Variants in FBRSL1 observed in about 807,000 individuals in gnomAD.
FBRSL1 encodes fibrosin like 1.
Under a neutral mutation model 89.6 loss-of-function variants are expected in FBRSL1, and 51 were observed. The observed-to-expected ratio is 0.57, with a 90% CI of 0.45 to 0.72. FBRSL1 has a LOEUF of 0.72. Among genes scored for constraint, FBRSL1 ranks in the 30% least tolerant of loss-of-function variants. The pLI, the probability that FBRSL1 is intolerant of heterozygous loss-of-function variation, is 0.00. For synonymous variants in FBRSL1, 779 were observed against 681.1 expected (o/e 1.14, Z -2.24); for missense variants, 1,618 against 1,451.8 (o/e 1.11, Z -1.86).
intron 9 of FBRSL1, chr12:132,571,714 C>T: frequency 2.6e-6 from 1 of 385,074 alleles, no homozygotes; most frequent in Non-Finnish European, 4.5e-6. Flanking sequence ...TGCCATGAGG[C>T]CCCCACCCTC....
At chr12:132,506,457 C>T (rs986142383) in intron 1 of FBRSL1, among the ~76,000 whole-genome samples, 1 of 152,212 alleles carries the variant, frequency 6.6e-6, no homozygotes, top group African/African-American at 2.4e-5. Flanking sequence ...CTGCCCTCTG[C>T]CTGTCCCCTC....
rs542931499 is a variant in FBRSL1, at chr12:132,511,639, T to C, written c.489+3289T>C. The C allele has an allele frequency of 9.9e-4, 980 of 985,550 alleles. 4 individuals are homozygous for C. The African/African-American group carries it at 0.016, about 16-fold the overall frequency. The allele number at this position is 985,550 out of a possible 1,614,324, so 61.1% of individuals were successfully genotyped here. A position where few individuals can be genotyped will look rare whatever the true frequency, so the allele number is the denominator to read the frequency against. ...TGCGCCACGTGACAGGAGGCTCTGG[T>C]CCTGCAGGCCTGGTCTTGCCCAGCT... is the stretch of plus-strand genomic sequence containing the variant. On this transcript the variant is annotated intron_variant, in intron 2 of 18. Coordinates refer to ENST00000680143, the MANE Select transcript of FBRSL1 (RefSeq NM_001367871.1).
At chr12:132,557,567 C>G (rs2038780561) in intron 5 of FBRSL1, among the ~76,000 whole-genome samples, 1 of 152,196 alleles carries the variant, frequency 6.6e-6, no homozygotes, top group African/African-American at 2.4e-5. Context: ...ATGGTCAGTG[C>G]TGAAGGCGGC....
At position 132,539,627 on chromosome 12, in the gene FBRSL1, C is replaced by T. The variant is rs1421265545; in HGVS notation, c.616-8376C>T. 4.9e-5 allele frequency among the ~76,000 whole-genome samples: 6 copies of T among 122,594 alleles called. No individual in the cohort carries two copies. In the Admixed American group the frequency reaches 4.9e-4, roughly 10 times the overall value. 80.4% of individuals were successfully genotyped at this position (122,594 alleles called of 152,430 possible). On this transcript the variant is annotated intron_variant, in intron 4 of 18. Transcript: ENST00000680143. ...CCCTCCAGCCCCGTGCCCGCCCAGT[C>T]CTGCCCTCCAGCCCCATGCCTACCT...
At chr12:132,517,287 C>T (rs1049778470) in intron 2 of FBRSL1, among the ~76,000 whole-genome samples, 5 of 152,232 alleles carry the variant, frequency 3.3e-5, no homozygotes, top group African/African-American at 1.2e-4. Context: ...CCACGCCGGC[C>T]AGGGTGCTGT....
intron 2 of FBRSL1, among the ~76,000 whole-genome samples, chr12:132,517,969 TGTG>T (rs2034995835): frequency 6.6e-6 from 1 of 152,026 alleles, no homozygotes; most frequent in Admixed American, 6.6e-5. Context: ...AGGCGGCAAA[TGTG>T]GTGGAGCCAG....
chr12:132,498,338 C>T (rs2032397881), intron 1 of FBRSL1, among the ~76,000 whole-genome samples: 2 of 152,162 alleles, frequency 1.3e-5, no homozygotes, highest in South Asian at 4.1e-4. Flanking sequence ...CCCCAGCCAC[C>T]CTTGCAGAGG....
chr12:132,515,961 T>A (rs577907300), intron 2 of FBRSL1, among the ~76,000 whole-genome samples: 110 of 144,932 alleles, frequency 7.6e-4, no homozygotes, highest in African/African-American at 2.7e-3. Context: ...AAATGAACAA[T>A]GCCAAAAGGT....
chr12:132,580,751 G>A (rs1191113861), intron 15 of FBRSL1: 3 of 985,026 alleles, frequency 3.0e-6, no homozygotes, highest in African/African-American at 3.5e-5. Context: ...GGGCTGGGAG[G>A]GAGTCGGAGT....
chr12:132,504,577 C>T (rs772479878), intron 1 of FBRSL1, among the ~76,000 whole-genome samples: 1 of 152,044 alleles, frequency 6.6e-6, no homozygotes, highest in Non-Finnish European at 1.5e-5. Context: ...TGTGGTGCCA[C>T]GGGTGCTGAC....
intron 2 of FBRSL1, chr12:132,511,820 C>T: frequency 2.0e-6 from 2 of 985,050 alleles, no homozygotes; most frequent in Non-Finnish European, 2.4e-6. Context: ...GCTTTGGCCT[C>T]CGGGCCCCCT....
intron 1 of FBRSL1, among the ~76,000 whole-genome samples, chr12:132,492,830 G>A (rs542791037): frequency 2.0e-5 from 3 of 152,334 alleles, no homozygotes; most frequent in East Asian, 3.9e-4. Flanking sequence ...GGGAAAGTAC[G>A]GGGCTTCTGC....
chr12:132,551,221 G>A (rs1226924620), intron 5 of FBRSL1: 2 of 363,102 alleles, frequency 5.5e-6, no homozygotes, highest in African/African-American at 2.1e-5. Flanking sequence ...GGCTTGTGTG[G>A]AACCCGTCTG....
At chr12:132,523,988 G>A (rs1392993334) in intron 2 of FBRSL1, among the ~76,000 whole-genome samples, 1 of 152,220 alleles carries the variant, frequency 6.6e-6, no homozygotes, top group Non-Finnish European at 1.5e-5. Context: ...GGTTGTGAGA[G>A]TCCAGCTGGT....
intron 4 of FBRSL1, among the ~76,000 whole-genome samples, chr12:132,531,419 G>C (rs2036268692): frequency 6.6e-6 from 1 of 152,118 alleles, no homozygotes; most frequent in Admixed American, 6.6e-5. Flanking sequence ...GTGTGCATGT[G>C]CGTGTGGGCA....
At position 132,574,416 on chromosome 12, in the gene FBRSL1, C is replaced by T. The variant is rs1288956725; in HGVS notation, c.1629+68C>T. The T allele has an allele frequency of 5.8e-6, 9 of 1,547,940 alleles. No homozygotes were observed. The Admixed American group carries it at 1.6e-4, about 27-fold the overall frequency. On this transcript the variant is annotated intron_variant, in intron 13 of 18. Coordinates refer to ENST00000680143, the MANE Select transcript of FBRSL1 (RefSeq NM_001367871.1). ...GTGCCCCCGGGGCGGCCTCGGGGGGCCCGTGACAGCAGGAGTCTGCAGAAA... is the reference window on the plus strand; with the variant it reads ...GTGCCCCCGGGGCGGCCTCGGGGGGTCCGTGACAGCAGGAGTCTGCAGAAA...
At chr12:132,510,826 G>A (rs972487376) in intron 2 of FBRSL1, 14 of 1,094,386 alleles carry the variant, frequency 1.3e-5, no homozygotes, top group Non-Finnish European at 1.3e-5. Context: ...CTTGCTGGGG[G>A]CCCCTCAGCG....
intron 2 of FBRSL1, among the ~76,000 whole-genome samples, chr12:132,517,376 G>A (rs1325324657): frequency 2.0e-5 from 3 of 152,212 alleles, no homozygotes; most frequent in African/African-American, 4.8e-5. Flanking sequence ...TAGCCGTTCC[G>A]GGGCGAGCAT....
chr12:132,564,776 C>T lies in FBRSL1; in HGVS notation c.646-2705C>T, dbSNP rs541770575. ...TCCCGAGTAGCTGGGACTACAGGCG[C>T]CCGCCACCACGCCCGGCTAATTTTT... On this transcript the variant is annotated intron_variant, in intron 5 of 18. Transcript: ENST00000680143. Among the ~76,000 whole-genome samples the T allele has an allele frequency of 4.5e-5, 5 of 110,378 alleles. No individual in the cohort carries two copies. The East Asian group carries it at 1.6e-3, about 35-fold the overall frequency. The allele number at this position is 110,378 out of a possible 152,430, so 72.4% of individuals were successfully genotyped here. A position where few individuals can be genotyped will look rare whatever the true frequency, so the allele number is the denominator to read the frequency against.
Sources: allele counts gnomAD v4.1 joint callset (sites outside exome capture counted in the v4.1 genomes callset), GRCh38; gene constraint gnomAD v4.1.1; transcripts MANE v1.5; gene names NCBI Gene and HGNC (gene_info 2026-07-23, HGNC 2026-07-21).